The following LRGUK variants were observed in gnomAD, a reference collection of about 807,000 sequenced individuals.
LRGUK encodes the protein leucine-rich repeat and guanylate kinase domain-containing protein.
LRGUK carries 65 observed loss-of-function variants against 76.0 expected under a neutral mutation model. The observed-to-expected ratio is 0.85, with a 90% CI of 0.70 to 1.05. The LOEUF (loss-of-function observed/expected upper bound fraction) is 1.05, where lower values mean the gene tolerates loss of function less well. Among genes scored for constraint, LRGUK ranks in the 50% least tolerant of loss-of-function variants. LRGUK has a pLI of 0.00. For synonymous variants in LRGUK, 268 were observed against 265.6 expected (o/e 1.01, Z -0.09); for missense variants, 758 against 732.8 (o/e 1.03, Z -0.40).
exon 1 of LRGUK, chr7:134,127,383 A>C: frequency 6.2e-7 from 1 of 1,602,884 alleles, no homozygotes; most frequent in Non-Finnish European, 8.5e-7. Context: ...GACCTCCGAG[A>C]GGGCTCTCCT....
rs757302320 is a variant in LRGUK, at chr7:134,209,614, G to A, written c.2751G>A (p.Ser917=). Residue 917 remains serine (S), a synonymous_variant, in exon 16 of 16, where the codon TCG becomes TCA. Transcript: ENST00000645682. ...GGAGGCCCACACCCAAACTCCTATC[G>A]CCCAGCAGGGAAGAGGCTTTAGGAA... 4.5e-5 allele frequency: 18 copies of A among 398,840 alleles called. No homozygotes were observed. The Middle Eastern group carries it at 1.9e-3, about 41-fold the overall frequency. The allele number at this position is 398,840 out of a possible 1,614,324, so 24.7% of individuals were successfully genotyped here.
At chr7:134,129,021 T>C (rs867466564) in intron 1 of LRGUK, among the ~76,000 whole-genome samples, 1 of 152,030 alleles carries the variant, frequency 6.6e-6, no homozygotes, top group African/African-American at 2.4e-5. Flanking sequence ...GAAGTAAATA[T>C]AATATAGAGA....
intron 15 of LRGUK, among the ~76,000 whole-genome samples, chr7:134,218,869 G>T (rs1408894625): frequency 6.6e-6 from 1 of 152,128 alleles, no homozygotes; most frequent in African/African-American, 2.4e-5. Flanking sequence ...TTGAAACATG[G>T]TTCCAGTTGT....
chr7:134,160,430 AG>A (rs1160260970), intron 6 of LRGUK, among the ~76,000 whole-genome samples: 1 of 152,206 alleles, frequency 6.6e-6, no homozygotes, highest in Non-Finnish European at 1.5e-5. Context: ...GATAATAGAA[AG>A]GTTTTCTTTT....
chr7:134,204,077 A>G (rs1318542640), intron 15 of LRGUK, among the ~76,000 whole-genome samples: 1 of 152,170 alleles, frequency 6.6e-6, no homozygotes, highest in Non-Finnish European at 1.5e-5. Flanking sequence ...TTGGATAAAC[A>G]TGAATCAGTC....
At chr7:134,191,023 T>C (rs1280017754) in intron 11 of LRGUK, among the ~76,000 whole-genome samples, 3 of 88,328 alleles carry the variant, frequency 3.4e-5, no homozygotes, top group South Asian at 3.2e-4. Flanking sequence ...CCATTCAGCA[T>C]TGGCACCATG....
exon 16 of LRGUK, chr7:134,221,895 C>G (rs772099734): frequency 2.5e-6 from 4 of 1,593,404 alleles, no homozygotes; most frequent in Non-Finnish European, 3.4e-6. Context: ...TTGGGCCAAA[C>G]TTTCAGCCAA....
At chr7:134,204,472 C>A (rs1466407803) in intron 15 of LRGUK, among the ~76,000 whole-genome samples, 2 of 152,104 alleles carry the variant, frequency 1.3e-5, no homozygotes, top group East Asian at 1.9e-4. Flanking sequence ...TAATAGAATT[C>A]CAACTGTAAA....
At chr7:134,240,105 A>G (rs1802106132) in intron 16 of LRGUK, among the ~76,000 whole-genome samples, 1 of 152,252 alleles carries the variant, frequency 6.6e-6, no homozygotes, top group South Asian at 2.1e-4. Flanking sequence ...GGGAGAAACC[A>G]GAGCAGAAAA....
chr7:134,199,394 G>T lies in LRGUK; in HGVS notation c.1720G>T (p.Gly574Ter). 2 of 1,613,564 alleles carry T rather than the reference G, an allele frequency of 1.2e-6. No homozygotes were observed. The highest frequency in any genetic ancestry group is 1.7e-6 in the Non-Finnish European group (2 of 1,179,768). ...TATTAAAATTAATCAGAATTTTCCGGGATATTTTGATGAGGTAATCAATGC... is the reference window on the plus strand; with the variant it reads ...TATTAAAATTAATCAGAATTTTCCGTGATATTTTGATGAGGTAATCAATGC... Residue 574 changes from glycine to a stop codon, truncating the protein, a stop_gained, in exon 14 of 16, where the codon GGA (glycine) becomes TGA (stop). Coordinates refer to ENST00000645682, the Ensembl canonical transcript of LRGUK. LOFTEE classifies it high-confidence loss of function.
the LRGUK span, among the ~76,000 whole-genome samples, chr7:134,274,536 T>A: frequency 5.3e-5 from 8 of 152,334 alleles, no homozygotes; most frequent in South Asian, 1.7e-3. Context: ...CTCTTATTTT[T>A]ATCAACTTGT....
intron 15 of LRGUK, among the ~76,000 whole-genome samples, chr7:134,217,740 A>G (rs959532620): frequency 1.3e-5 from 2 of 152,300 alleles, no homozygotes; most frequent in Middle Eastern, 3.4e-3. Flanking sequence ...CAAATTATCT[A>G]TCATATTAAA....
At chr7:134,270,668 TTA>T in the LRGUK span, among the ~76,000 whole-genome samples, 6 of 152,250 alleles carry the variant, frequency 3.9e-5, no homozygotes, top group East Asian at 1.9e-4. Context: ...TTTCTCAACA[TTA>T]TGTTTGTAAG....
intron 7 of LRGUK, among the ~76,000 whole-genome samples, chr7:134,171,893 A>C (rs1473488162): frequency 6.6e-6 from 1 of 152,148 alleles, no homozygotes; most frequent in Admixed American, 6.5e-5. Flanking sequence ...GGGAGGGCGC[A>C]TGCAGGGCAA....
chr7:134,183,683 T>C, intron 10 of LRGUK, 51 bp from the exon 11 acceptor site: 1 of 1,608,062 alleles, frequency 6.2e-7, no homozygotes, highest in Non-Finnish European at 8.5e-7. Flanking sequence ...GTAGTTAATG[T>C]GCTGTCTCCC....
intron 5 of LRGUK, among the ~76,000 whole-genome samples, chr7:134,151,591 A>T (rs2116884108): frequency 6.6e-6 from 1 of 152,198 alleles, no homozygotes; most frequent in African/African-American, 2.4e-5. Context: ...ATAAAGGAAA[A>T]CAACAGGCTT....
At chr7:134,219,415 C>G (rs1801518207) in intron 15 of LRGUK, among the ~76,000 whole-genome samples, 1 of 152,154 alleles carries the variant, frequency 6.6e-6, no homozygotes, top group Non-Finnish European at 1.5e-5. Flanking sequence ...TTATTTACAC[C>G]ACAGTACAGG....
chr7:134,244,388 G>C (rs1410423048), intron 16 of LRGUK, among the ~76,000 whole-genome samples: 1 of 152,130 alleles, frequency 6.6e-6, no homozygotes, highest in Non-Finnish European at 1.5e-5. Flanking sequence ...CAAAAATTGG[G>C]CAAAGGATAT....
intron 12 of LRGUK, among the ~76,000 whole-genome samples, chr7:134,193,210 T>C (rs1800332669): frequency 6.6e-6 from 1 of 152,238 alleles, no homozygotes; most frequent in South Asian, 2.1e-4. Flanking sequence ...CCTAGGGCTA[T>C]ATTTTGGCAG....
Sources: allele counts gnomAD v4.1 joint callset (sites outside exome capture counted in the v4.1 genomes callset), GRCh38; gene constraint gnomAD v4.1.1; transcripts MANE v1.5; gene names NCBI Gene and HGNC (gene_info 2026-07-23, HGNC 2026-07-21).